The following RNMT variants were observed in gnomAD, a reference collection of about 807,000 sequenced individuals.
RNMT encodes the protein RNA guanine-7 methyltransferase, also known as mRNA cap guanine-N(7) methyltransferase.
In RNMT, 27 loss-of-function variants were observed where a neutral mutation model predicts 56.0. The observed-to-expected ratio is 0.48, with a 90% confidence interval of 0.36 to 0.67. The LOEUF is 0.67. RNMT is among the 30% of genes least tolerant of loss of function. The pLI is 0.00. For missense variants in RNMT, 519 were observed against 552.1 expected (o/e 0.94, Z 0.60); for synonymous variants, 184 against 176.2 (o/e 1.04, Z -0.35).
At position 13,730,741 on chromosome 18, in the gene RNMT, C is replaced by G. The variant is rs2044052620; in HGVS notation, c.-57C>G. On this transcript the variant is annotated 5_prime_UTR_variant, in exon 2 of 12. Transcript: ENST00000383314. ...CTGTGATACCAAAATCTCAGCTTCA[C>G]AAAGTCATTGAAAGGTATGTAGTGT... 1 of 152,228 alleles carries G rather than the reference C, an allele frequency of 6.6e-6. No individual in the cohort carries two copies. The highest frequency in any genetic ancestry group is 2.4e-5 in the African/African-American group (1 of 41,458). The allele number at this position is 152,228 out of a possible 1,614,324, so 9.4% of individuals were successfully genotyped here. A position where few individuals can be genotyped will look rare whatever the true frequency, so the allele number is the denominator to read the frequency against.
chr18:13,738,410 G>A (rs373412899), intron 5 of RNMT, among the ~76,000 whole-genome samples: 2 of 152,116 alleles, frequency 1.3e-5, no homozygotes, highest in African/African-American at 2.4e-5. Flanking sequence ...TTTTATTTTG[G>A]TTGATAAGTA....
intron 8 of RNMT, among the ~76,000 whole-genome samples, chr18:13,743,370 AAATC>A (rs2044291587): frequency 2.0e-5 from 3 of 150,142 alleles, no homozygotes; most frequent in African/African-American, 2.4e-5. Context: ...ATAAATAAAT[AAATC>A]AAAGATCCTC....
At chr18:13,752,630 A>G (rs1204250115) in intron 10 of RNMT, among the ~76,000 whole-genome samples, 1 of 152,222 alleles carries the variant, frequency 6.6e-6, no homozygotes, top group Non-Finnish European at 1.5e-5. Flanking sequence ...ATGGAGTGCT[A>G]TATCTAAGGC....
intron 10 of RNMT, among the ~76,000 whole-genome samples, 155 bp from the exon 11 acceptor site, chr18:13,753,959 A>T (rs1380916954): frequency 1.3e-5 from 2 of 152,104 alleles, no homozygotes; most frequent in East Asian, 3.9e-4. Flanking sequence ...GATTTCTTTT[A>T]TATGCTCAGG....
intron 1 of RNMT, among the ~76,000 whole-genome samples, chr18:13,728,300 CTTTTTTTTTTTTTTTTTTT>C (rs1204415985): frequency 2.7e-5 from 3 of 109,622 alleles, no homozygotes; most frequent in African/African-American, 1.1e-4. Context: ...TCATCAGCAT[CTTTTTTTTTTTTTTTTTTT>C]TTTTTTTTTT....
rs753781183 is a variant in RNMT, at chr18:13,754,109, T to C, written c.1360-5T>C. ...AAATTTTCTTTTTCTCTTTTGTAAT[T>C]TTAGGGAACCTTAAGTAAATCAGAA... On this transcript the variant is annotated splice_region_variant and splice_polypyrimidine_tract_variant and intron_variant, in intron 10 of 11. Transcript: ENST00000383314. 1 of 1,530,172 alleles carries C rather than the reference T, an allele frequency of 6.5e-7. No individual in the cohort carries two copies. Among genetic ancestry groups the C allele is most frequent in the Non-Finnish European group, 9.0e-7 (1 of 1,106,758 alleles). The allele number at this position is 1,530,172 out of a possible 1,614,324, so 94.8% of individuals were successfully genotyped here.
chr18:13,761,776 A>C lies in RNMT; in HGVS notation c.*1797A>C. On this transcript the variant is annotated 3_prime_UTR_variant, in exon 12 of 12. Transcript: ENST00000383314. ...AGCCACACCTGCAGGCGCTGTGTTC[A>C]GGCACCACCTTCCTCCTTGAGCTTT... 14 of 1,245,330 alleles carry C rather than the reference A, an allele frequency of 1.1e-5. No homozygotes were observed. The highest frequency in any genetic ancestry group is 1.4e-5 in the Non-Finnish European group (14 of 986,650). The allele number at this position is 1,245,330 out of a possible 1,614,324, so 77.1% of individuals were successfully genotyped here. A position where few individuals can be genotyped will look rare whatever the true frequency, so the allele number is the denominator to read the frequency against.
At chr18:13,757,585 C>T (rs1369136555) in intron 11 of RNMT, among the ~76,000 whole-genome samples, 1 of 152,224 alleles carries the variant, frequency 6.6e-6, no homozygotes, top group Non-Finnish European at 1.5e-5. Flanking sequence ...AATTCAGTCA[C>T]ATCTGCAGGC....
At chr18:13,731,438 A>G (rs2044066246) in intron 2 of RNMT, 38 bp from the exon 3 acceptor site, 1 of 1,088,960 alleles carries the variant, frequency 9.2e-7, no homozygotes, top group Non-Finnish European at 1.3e-6. Flanking sequence ...TTAAAGTCTT[A>G]GTGTTTACAA....
intron 3 of RNMT, among the ~76,000 whole-genome samples, chr18:13,732,221 AG>A (rs2044082538): frequency 6.6e-6 from 1 of 152,082 alleles, no homozygotes; most frequent in Non-Finnish European, 1.5e-5. Context: ...TCCGAGACAG[AG>A]TCTTGCACTG....
At chr18:13,753,588 G>A (rs992699190) in intron 10 of RNMT, among the ~76,000 whole-genome samples, 13 of 151,842 alleles carry the variant, frequency 8.6e-5, no homozygotes, top group Admixed American at 7.9e-4. Flanking sequence ...TGGCTGACAC[G>A]GTGAAACCTC....
intron 4 of RNMT, among the ~76,000 whole-genome samples, chr18:13,736,797 C>T (rs1029745512): frequency 6.6e-6 from 1 of 152,100 alleles, no homozygotes; most frequent in Non-Finnish European, 1.5e-5. Flanking sequence ...TTCCAAAACA[C>T]CAGACACGTA....
At chr18:13,744,277 T>C (rs1351099629) in intron 8 of RNMT, among the ~76,000 whole-genome samples, 1 of 150,530 alleles carries the variant, frequency 6.6e-6, no homozygotes, top group African/African-American at 2.5e-5. Context: ...TTGGATGAAA[T>C]AGAATCTGAA....
At chr18:13,747,886 T>TA (rs2044378646) in intron 9 of RNMT, among the ~76,000 whole-genome samples, 1 of 152,220 alleles carries the variant, frequency 6.6e-6, no homozygotes, top group South Asian at 2.1e-4. Context: ...CTGTCCCACA[T>TA]ATACAGCATA....
intron 11 of RNMT, among the ~76,000 whole-genome samples, chr18:13,757,667 C>T (rs1303051257): frequency 3.3e-5 from 5 of 152,172 alleles, no homozygotes; most frequent in South Asian, 2.1e-4. Context: ...ATGTGTTGAA[C>T]CCCTTGAAGT....
chr18:13,752,457 A>G (rs967755950), intron 10 of RNMT, 30 bp downstream of exon 10: 2 of 1,367,096 alleles, frequency 1.5e-6, no homozygotes, highest in Non-Finnish European at 2.1e-6. Flanking sequence ...AGTATTTTAT[A>G]GAGAATGAAA....
chr18:13,759,598 ATTTAAT>A (rs2044595046), intron 11 of RNMT, among the ~76,000 whole-genome samples: 1 of 151,956 alleles, frequency 6.6e-6, no homozygotes, highest in African/African-American at 2.4e-5. Context: ...CTTATTTAAA[ATTTAAT>A]TTTATTATAA....
At chr18:13,755,947 A>G (rs2044535545) in intron 11 of RNMT, among the ~76,000 whole-genome samples, 1 of 152,238 alleles carries the variant, frequency 6.6e-6, no homozygotes, top group East Asian at 1.9e-4. Flanking sequence ...TGGGCTGGAC[A>G]TGCGAAGAGA....
In RNMT at chr18:13,743,339, AATAAATAAAT is replaced by A. The variant is rs1568505835; in HGVS notation, c.1139+689_1139+698del. On this transcript the variant is annotated intron_variant, in intron 8 of 11. Transcript: ENST00000383314. ...CTCCGTCTCAAAAAAAAAATAAATAAATAAATAAATAAATAAATAAATAAATAAATAAATC... is the reference window on the plus strand; with the variant it reads ...CTCCGTCTCAAAAAAAAAATAAATAAAAATAAATAAATAAATAAATAAATC... Among the ~76,000 whole-genome samples the A allele has an allele frequency of 4.5e-4, 34 of 75,244 alleles. 2 individuals are homozygous for A. The highest frequency in any genetic ancestry group is 6.7e-4 in the African/African-American group (16 of 23,960). The allele number at this position is 75,244 out of a possible 152,430, so 49.4% of individuals were successfully genotyped here.
Sources: gnomAD v4.1 joint callset for allele counts (sites outside exome capture counted in the v4.1 genomes callset) on GRCh38, gnomAD v4.1.1 for gene constraint, MANE v1.5 for transcripts, NCBI Gene and HGNC (gene_info 2026-07-23, HGNC 2026-07-21) for gene names.